The following SOS1 variants were observed in gnomAD, a reference collection of about 807,000 sequenced individuals.
SOS1 encodes SOS Ras/Rac guanine nucleotide exchange factor 1.
SOS1 carries 25 observed loss-of-function variants against 157.6 expected under a neutral mutation model. The observed-to-expected ratio is 0.16, with a 90% CI of 0.12 to 0.22. SOS1 has a LOEUF of 0.22. Ranked by LOEUF, SOS1 falls within the 10% of genes least tolerant of loss-of-function variation. The pLI is 1.00. For missense variants in SOS1, 1,237 were observed against 1,599.1 expected, an observed-to-expected ratio of 0.77 and a Z score of 3.86; for synonymous variants, 528 against 534.0, an observed-to-expected ratio of 0.99 and a Z score of 0.16.
At chr2:39,111,027 G>A (rs972413980) in intron 1 of SOS1, among the ~76,000 whole-genome samples, 1 of 152,082 alleles carries the variant, frequency 6.6e-6, no homozygotes, top group Non-Finnish European at 1.5e-5. Flanking sequence ...GAGGTCAAGA[G>A]TTTGAGACCA....
upstream of SOS1, among the ~76,000 whole-genome samples, chr2:39,121,560 T>C (rs1205608337): frequency 6.6e-6 from 1 of 152,252 alleles, no homozygotes; most frequent in Non-Finnish European, 1.5e-5. Context: ...ATGTTTTAGA[T>C]TCCCTCTGTT....
At chr2:39,066,404 C>T (rs888565363) in intron 2 of SOS1, among the ~76,000 whole-genome samples, 9 of 152,144 alleles carry the variant, frequency 5.9e-5, no homozygotes, top group Admixed American at 2.6e-4. Flanking sequence ...TAAAGTCAAA[C>T]GGTCCTTCAT....
chr2:39,056,141 A>T (rs1671202049), intron 4 of SOS1, among the ~76,000 whole-genome samples: 1 of 152,204 alleles, frequency 6.6e-6, no homozygotes, highest in South Asian at 2.1e-4. Flanking sequence ...TTAAGAAATT[A>T]ACTACTAGCT....
chr2:39,066,568 C>T (rs1361590303), intron 2 of SOS1, among the ~76,000 whole-genome samples: 1 of 152,226 alleles, frequency 6.6e-6, no homozygotes, highest in Non-Finnish European at 1.5e-5. Context: ...CCCAAAGCAT[C>T]TATCAGTTGC....
In SOS1 at chr2:39,107,828, G is replaced by A. The variant is rs187863349; in HGVS notation, c.87+12508C>T. On this transcript the variant is annotated intron_variant, in intron 1 of 22. Transcript: ENST00000402219. ...ACTCTACTCAGGGGATGGAGTTGTAGTAGAAAGGCTTTGTGGAGGAGGTGG... is the reference window on the plus strand; with the variant it reads ...ACTCTACTCAGGGGATGGAGTTGTAATAGAAAGGCTTTGTGGAGGAGGTGG... Among the ~76,000 whole-genome samples, 14 of 152,284 alleles carry A rather than the reference G, an allele frequency of 9.2e-5. No homozygotes were observed. In the East Asian group the frequency reaches 2.5e-3, roughly 27 times the overall value.
At chr2:39,101,015 T>C (rs976394600) in intron 1 of SOS1, among the ~76,000 whole-genome samples, 4 of 152,166 alleles carry the variant, frequency 2.6e-5, no homozygotes, top group African/African-American at 9.7e-5. Flanking sequence ...TATAAAGAAA[T>C]ACCTGAGGCT....
At chr2:39,097,640 C>G (rs1324218560) in intron 1 of SOS1, among the ~76,000 whole-genome samples, 2 of 152,042 alleles carry the variant, frequency 1.3e-5, no homozygotes, top group Non-Finnish European at 2.9e-5. Context: ...TCATTGCAAC[C>G]TCTGCCTCCC....
At chr2:39,054,071 A>G (rs1196284640) in intron 5 of SOS1, among the ~76,000 whole-genome samples, 2 of 151,814 alleles carry the variant, frequency 1.3e-5, no homozygotes, top group Non-Finnish European at 2.9e-5. Context: ...GGGATTACAG[A>G]CGCTCGCCAC....
rs1037703368 is a variant in SOS1, at chr2:38,983,480, G to A, written c.*2344C>T. 1 of 152,094 alleles carries A rather than the reference G, an allele frequency of 6.6e-6. No homozygotes were observed. Among genetic ancestry groups the A allele is most frequent in the Non-Finnish European group, 1.5e-5 (1 of 68,004 alleles). 9.4% of individuals were successfully genotyped at this position (152,094 alleles called of 1,614,324 possible). On this transcript the variant is annotated 3_prime_UTR_variant, in exon 23 of 23. Coordinates refer to ENST00000402219, the MANE Select transcript of SOS1 (RefSeq NM_005633.4). Reference sequence around the variant, plus strand: ...GTGAAGTGGTCTCCTAGAACCATGGGGTAGAAGAATAGTTCCCTTTGGGAG... The same window carrying A: ...GTGAAGTGGTCTCCTAGAACCATGGAGTAGAAGAATAGTTCCCTTTGGGAG...
At chr2:39,002,508 G>A (rs771245305) in intron 17 of SOS1, among the ~76,000 whole-genome samples, 7 of 152,072 alleles carry the variant, frequency 4.6e-5, no homozygotes, top group Non-Finnish European at 1.0e-4. Flanking sequence ...GGAGACCATG[G>A]GATATCATGA....
At chr2:39,061,307 T>C (rs1052493531) in intron 2 of SOS1, among the ~76,000 whole-genome samples, 2 of 149,624 alleles carry the variant, frequency 1.3e-5, no homozygotes, top group African/African-American at 4.9e-5. Flanking sequence ...CTGAAGGAAT[T>C]ACTTTATTTC....
At chr2:39,017,023 C>A (rs1362616226) in intron 10 of SOS1, among the ~76,000 whole-genome samples, 1 of 152,090 alleles carries the variant, frequency 6.6e-6, no homozygotes, top group Non-Finnish European at 1.5e-5. Context: ...GTGCCACAGT[C>A]AAATGGGATC....
intron 20 of SOS1, among the ~76,000 whole-genome samples, chr2:38,990,694 C>A (rs1668705481): frequency 6.6e-6 from 1 of 152,144 alleles, no homozygotes; most frequent in Admixed American, 6.5e-5. Context: ...ATGACTGTTA[C>A]AACTATAGTC....
chr2:39,108,868 C>T (rs1051907158), intron 1 of SOS1, among the ~76,000 whole-genome samples: 3 of 150,996 alleles, frequency 2.0e-5, no homozygotes, highest in African/African-American at 4.9e-5. Flanking sequence ...ACCCCAGCCT[C>T]GGTGACAGAG....
At chr2:39,004,406 C>CA (rs60882005) in intron 17 of SOS1, among the ~76,000 whole-genome samples, 50,680 of 66,606 alleles carry the variant, frequency 0.76, 20,089 homozygotes, top group Middle Eastern at 0.85. Flanking sequence ...GACTCTGTGT[C>CA]AAAAAAAAAA....
intron 1 of SOS1, among the ~76,000 whole-genome samples, chr2:39,069,974 TA>T (rs918189181): frequency 1.1e-4 from 17 of 152,206 alleles, no homozygotes; most frequent in African/African-American, 4.1e-4. Flanking sequence ...TTTATCTGTT[TA>T]CAAGTATCCC....
chr2:39,079,017 G>A (rs571824451), intron 1 of SOS1, among the ~76,000 whole-genome samples: 14 of 139,868 alleles, frequency 1.0e-4, no homozygotes, highest in East Asian at 6.4e-4. Context: ...CCAAGATTGC[G>A]CCACTGCACT....
At chr2:38,987,449 A>G (rs372341561) in intron 22 of SOS1, 24 bp downstream of exon 22, 161 of 1,206,100 alleles carry the variant, frequency 1.3e-4, no homozygotes, top group African/African-American at 2.1e-4. Flanking sequence ...TCCAATTTCT[A>G]CACAACAAGA....
chr2:39,060,952 C>G (rs1671379402), intron 2 of SOS1, among the ~76,000 whole-genome samples: 2 of 148,686 alleles, frequency 1.3e-5, no homozygotes, highest in South Asian at 4.2e-4. Context: ...AAAAAAATCA[C>G]CAGCGGTGGA....
Sources: gnomAD v4.1 joint callset for allele counts (sites outside exome capture counted in the v4.1 genomes callset) on GRCh38, gnomAD v4.1.1 for gene constraint, MANE v1.5 for transcripts, NCBI Gene and HGNC (gene_info 2026-07-23, HGNC 2026-07-21) for gene names.